Variants in TRDMT1 observed in about 807,000 individuals in gnomAD.
TRDMT1 encodes the protein tRNA (cytosine(38)-C(5))-methyltransferase.
In TRDMT1, 49 loss-of-function variants were observed where a neutral mutation model predicts 51.2. The observed-to-expected ratio is 0.96, with a 90% CI of 0.76 to 1.21. TRDMT1 has a LOEUF of 1.21. TRDMT1 is among the 50% of genes most tolerant of loss of function. The probability of loss-of-function intolerance (pLI) is 0.00; values close to 1 mark genes in which losing one functional copy is unlikely to be tolerated. For synonymous variants in TRDMT1, 187 were observed against 164.6 expected, an observed-to-expected ratio of 1.14 and a Z score of -1.04; for missense variants, 534 against 462.3, an observed-to-expected ratio of 1.16 and a Z score of -1.42.
In TRDMT1 at chr10:17,145,522, C is replaced by G. The variant is rs372882059; in HGVS notation, c.*3518G>C. ...CTGCTGAGGCTATATGACCCTCACA[C>G]AGTTTCAAAGTCCAAAGCTATTAGT... On this transcript the variant is annotated 3_prime_UTR_variant, in exon 11 of 11. Transcript: ENST00000377799. 6 of 985,330 alleles carry G rather than the reference C, an allele frequency of 6.1e-6. No individual in the cohort carries two copies. In the African/African-American group the frequency reaches 7.0e-5, roughly 11 times the overall value. 61.0% of individuals were successfully genotyped at this position (985,330 alleles called of 1,614,324 possible). A position where few individuals can be genotyped will look rare whatever the true frequency, so the allele number is the denominator to read the frequency against.
chr10:17,195,926 G>A (rs562353365), intron 1 of TRDMT1, among the ~76,000 whole-genome samples: 35 of 152,082 alleles, frequency 2.3e-4, no homozygotes, highest in South Asian at 2.1e-4. Flanking sequence ...CCAAAGACAG[G>A]TATGTATAAC....
chr10:17,143,346 G>T lies in TRDMT1; in HGVS notation c.*5694C>A. ...TGGAAGTTTACATTCTCTAAAACAT[G>T]AAACATTTTCCATTTTTAAAACTCA... On this transcript the variant is annotated 3_prime_UTR_variant, in exon 11 of 11. Transcript: ENST00000377799. 3.0e-6 allele frequency: 3 copies of T among 985,420 alleles called. No individual in the cohort carries two copies. The highest frequency in any genetic ancestry group is 3.6e-6 in the Non-Finnish European group (3 of 829,912). 61.0% of individuals were successfully genotyped at this position (985,420 alleles called of 1,614,324 possible). A position where few individuals can be genotyped will look rare whatever the true frequency, so the allele number is the denominator to read the frequency against.
chr10:17,168,947 G>A, intron 2 of TRDMT1, 30 bp from the exon 3 acceptor site: 2 of 1,461,720 alleles, frequency 1.4e-6, no homozygotes, highest in South Asian at 1.2e-5. Flanking sequence ...GGGGAAAAAA[G>A]AACATAAAAA....
chr10:17,173,608 T>C (rs1412390528), intron 2 of TRDMT1, among the ~76,000 whole-genome samples: 2 of 152,172 alleles, frequency 1.3e-5, no homozygotes, highest in Admixed American at 1.3e-4. Flanking sequence ...GTCTTGATTG[T>C]GGTGGTAGTA....
intron 10 of TRDMT1, chr10:17,151,056 A>C (rs1171039460): frequency 4.2e-6 from 4 of 943,922 alleles, no homozygotes; most frequent in Non-Finnish European, 5.0e-6. Flanking sequence ...AATCTAAATT[A>C]TTAGGTTGGT....
chr10:17,170,824 T>C (rs906380563), intron 2 of TRDMT1, among the ~76,000 whole-genome samples: 1 of 152,100 alleles, frequency 6.6e-6, no homozygotes, highest in African/African-American at 2.4e-5. Flanking sequence ...AGTAGACATA[T>C]TGTATATTGT....
At position 17,140,036 on chromosome 10, in the gene TRDMT1, G is replaced by GTTTTTTT. The variant is rs1564532491; in HGVS notation, c.*9003_*9004insAAAAAAA. Among the ~76,000 whole-genome samples the GTTTTTTT allele has an allele frequency of 2.5e-5, 1 of 39,636 alleles. No individual in the cohort carries two copies. Among genetic ancestry groups the GTTTTTTT allele is most frequent in the African/African-American group, 9.5e-5 (1 of 10,564 alleles). 26.0% of individuals were successfully genotyped at this position (39,636 alleles called of 152,430 possible). A position where few individuals can be genotyped will look rare whatever the true frequency, so the allele number is the denominator to read the frequency against. On this transcript the variant is annotated 3_prime_UTR_variant, in exon 11 of 11. Coordinates refer to ENST00000377799, the MANE Select transcript of TRDMT1 (RefSeq NM_004412.7). ...ATATTCTTCCAGTAACATCTAGTGT[G>GTTTTTTT]CTTTTTTTTTTTTTTTTTTTTTTTT...
At chr10:17,172,786 A>G (rs1406482840) in intron 2 of TRDMT1, among the ~76,000 whole-genome samples, 2 of 152,206 alleles carry the variant, frequency 1.3e-5, no homozygotes, top group Non-Finnish European at 2.9e-5. Flanking sequence ...AACAGTAACA[A>G]TGTATGTTGG....
chr10:17,192,487 G>A (rs1288544437), intron 1 of TRDMT1, among the ~76,000 whole-genome samples: 1 of 152,184 alleles, frequency 6.6e-6, no homozygotes, highest in African/African-American at 2.4e-5. Flanking sequence ...CACAACCCCA[G>A]CATCTCCCTC....
At chr10:17,191,534 C>A (rs1326149798) in intron 1 of TRDMT1, among the ~76,000 whole-genome samples, 1 of 152,116 alleles carries the variant, frequency 6.6e-6, no homozygotes, top group Non-Finnish European at 1.5e-5. Flanking sequence ...GTCAATGCTT[C>A]CCAGAAACCC....
chr10:17,143,995 T>G lies in TRDMT1; in HGVS notation c.*5045A>C. ...CAGCATGAAGATTCTAGAATAGGAC[T>G]TAGGAAAACAGCAGATTTAGAGTCA... On this transcript the variant is annotated 3_prime_UTR_variant, in exon 11 of 11. Coordinates refer to ENST00000377799, the MANE Select transcript of TRDMT1 (RefSeq NM_004412.7). 1 of 985,370 alleles carries G rather than the reference T, an allele frequency of 1.0e-6. No homozygotes were observed. Among genetic ancestry groups the G allele is most frequent in the Non-Finnish European group, 1.2e-6 (1 of 829,924 alleles). The allele number at this position is 985,370 out of a possible 1,614,324, so 61.0% of individuals were successfully genotyped here.
intron 1 of TRDMT1, among the ~76,000 whole-genome samples, chr10:17,178,108 T>C (rs1221728359): frequency 2.0e-5 from 3 of 152,214 alleles, no homozygotes; most frequent in Non-Finnish European, 4.4e-5. Context: ...TTCTTTATTA[T>C]TTATTTTCTA....
At chr10:17,178,024 G>T (rs1019723006) in intron 1 of TRDMT1, among the ~76,000 whole-genome samples, 2 of 152,174 alleles carry the variant, frequency 1.3e-5, no homozygotes, top group Non-Finnish European at 2.9e-5. Context: ...TTTTGAGGAG[G>T]ACCTTGAGAA....
chr10:17,159,064 T>C (rs41289319), intron 7 of TRDMT1, 82 bp downstream of exon 7: 22,061 of 929,472 alleles, frequency 0.024, 320 homozygotes, highest in Non-Finnish European at 0.029. Context: ...CACAAAGTAG[T>C]TCTTGAAAAT....
chr10:17,163,789 C>T lies in TRDMT1; in HGVS notation c.252-1552G>A, dbSNP rs1588554257. On this transcript the variant is annotated intron_variant, in intron 3 of 10. Transcript: ENST00000377799. ...TAGAAGAAATGGATAAATTCCTCGA[C>T]ACATACACCCTCCCAAGACTAAACC... Among the ~76,000 whole-genome samples, 3 of 152,162 alleles carry T rather than the reference C, an allele frequency of 2.0e-5. No individual in the cohort carries two copies. The South Asian group carries it at 6.2e-4, about 32-fold the overall frequency.
At chr10:17,161,603 G>C (rs1327569112) in intron 4 of TRDMT1, 55 bp from the exon 5 acceptor site, 1 of 235,202 alleles carries the variant, frequency 4.3e-6, no homozygotes, top group African/African-American at 2.9e-5. Context: ...AGAAGAAAAA[G>C]TAAAGAAAAT....
At chr10:17,164,538 G>C (rs1263797784) in intron 3 of TRDMT1, among the ~76,000 whole-genome samples, 1 of 152,162 alleles carries the variant, frequency 6.6e-6, no homozygotes, top group Admixed American at 6.5e-5. Flanking sequence ...GCAGGAGAAA[G>C]AAATAAAGGG....
Position 17,147,407 on chromosome 10 carries a change from T to A in TRDMT1, c.*1633A>T, listed in dbSNP as rs570441275. 2.2e-6 allele frequency: 2 copies of A among 908,460 alleles called. No individual in the cohort carries two copies. Among genetic ancestry groups the A allele is most frequent in the South Asian group, 1.0e-4 (2 of 19,642 alleles). 56.3% of individuals were successfully genotyped at this position (908,460 alleles called of 1,614,324 possible). Reference sequence around the variant, plus strand: ...TTCAATTGCAGTAAAATATACATAATGTAAAATTTATCATTTTAACTATTT... The same window carrying A: ...TTCAATTGCAGTAAAATATACATAAAGTAAAATTTATCATTTTAACTATTT... On this transcript the variant is annotated 3_prime_UTR_variant, in exon 11 of 11. Coordinates refer to ENST00000377799, the MANE Select transcript of TRDMT1 (RefSeq NM_004412.7).
At chr10:17,152,855 G>C (rs892426116) in intron 10 of TRDMT1, 3 of 152,482 alleles carry the variant, frequency 2.0e-5, no homozygotes, top group Admixed American at 2.0e-4. Flanking sequence ...CTTCCCATTT[G>C]TTCTTGAGAT....
Sources: allele counts gnomAD v4.1 joint callset (sites outside exome capture counted in the v4.1 genomes callset), GRCh38; gene constraint gnomAD v4.1.1; transcripts MANE v1.5; gene names NCBI Gene and HGNC (gene_info 2026-07-23, HGNC 2026-07-21).